The following ACTR8 variants were observed in gnomAD, a reference collection of about 807,000 sequenced individuals.
ACTR8 encodes actin-related protein 8.
ACTR8 carries 70 observed loss-of-function variants against 84.3 expected under a neutral mutation model. The ratio of observed to expected loss-of-function variants is 0.83; its 90% CI spans 0.68 to 1.01. The LOEUF (loss-of-function observed/expected upper bound fraction) is 1.01. ACTR8 is among the 50% of genes least tolerant of loss of function. The pLI, the probability that ACTR8 is intolerant of heterozygous loss-of-function variation, is 0.00. For synonymous variants in ACTR8, 268 were observed against 275.2 expected (o/e 0.97, Z 0.26); for missense variants, 672 against 775.4 (o/e 0.87, Z 1.58).
intron 7 of ACTR8, 148 bp downstream of exon 7, chr3:53,875,800 T>C: frequency 1.7e-6 from 2 of 1,194,860 alleles, no homozygotes; most frequent in Non-Finnish European, 2.3e-6. Flanking sequence ...TGCTAGAATA[T>C]GCACTTCCAT....
intron 5 of ACTR8, 48 bp downstream of exon 5, chr3:53,877,166 G>A (rs1699988354): frequency 2.2e-5 from 34 of 1,516,452 alleles, no homozygotes; most frequent in Non-Finnish European, 3.0e-5. Context: ...TACTTTCATT[G>A]ACCAAGAATC....
rs768876644 is a variant in ACTR8, at chr3:53,867,987, T to G, written c.*732A>C. The G allele has an allele frequency of 6.6e-6, 1 of 152,212 alleles. No individual in the cohort carries two copies. The highest frequency in any genetic ancestry group is 1.5e-5 in the Non-Finnish European group (1 of 68,046). The allele number at this position is 152,212 out of a possible 1,614,324, so 9.4% of individuals were successfully genotyped here. A position where few individuals can be genotyped will look rare whatever the true frequency, so the allele number is the denominator to read the frequency against. ...TAAATTATACCCAAATCATTTCTAT[T>G]TGGCTTTAGGAAAAAAACAAGATTT... On this transcript the variant is annotated 3_prime_UTR_variant, in exon 13 of 13. Coordinates refer to ENST00000335754, the MANE Select transcript of ACTR8 (RefSeq NM_022899.5).
downstream of ACTR8, among the ~76,000 whole-genome samples, chr3:53,863,020 A>G (rs1699622635): frequency 6.6e-6 from 1 of 151,810 alleles, no homozygotes; most frequent in Admixed American, 6.5e-5. Context: ...AGATGATGAC[A>G]AGAATAAAGA....
At chr3:53,864,654 T>C, downstream of ACTR8, 4 of 973,432 alleles carry the variant, frequency 4.1e-6, no homozygotes, top group Non-Finnish European at 6.2e-6. Flanking sequence ...GCTGACATTC[T>C]CTAGCAAGGG....
downstream of ACTR8, chr3:53,865,128 C>CGTGGTG (rs763267859): frequency 6.2e-7 from 1 of 1,614,036 alleles, no homozygotes; most frequent in African/African-American, 1.3e-5. Flanking sequence ...TGCACAAATA[C>CGTGGTG]GTGGTGGTCT....
intron 3 of ACTR8, 146 bp from the exon 4 acceptor site, chr3:53,877,897 G>T: frequency 1.5e-6 from 1 of 647,174 alleles, no homozygotes; most frequent in Non-Finnish European, 2.7e-6. Flanking sequence ...GGCTGCAAAA[G>T]GATTCTCTTG....
downstream of ACTR8, among the ~76,000 whole-genome samples, chr3:53,863,026 A>G (rs923499513): frequency 3.3e-5 from 5 of 152,202 alleles, no homozygotes; most frequent in East Asian, 1.9e-4. Context: ...TGACAAGAAT[A>G]AAGACCTTTC....
chr3:53,862,899 TAC>T (rs1159999135), downstream of ACTR8, among the ~76,000 whole-genome samples: 5 of 152,162 alleles, frequency 3.3e-5, no homozygotes, highest in Non-Finnish European at 5.9e-5. Context: ...TCTGTAAAGT[TAC>T]ACTGAGGCGC....
chr3:53,881,216 G>A (rs1395137138), intron 1 of ACTR8, among the ~76,000 whole-genome samples: 1 of 152,212 alleles, frequency 6.6e-6, no homozygotes, highest in African/African-American at 2.4e-5. Flanking sequence ...CTACCGGTAA[G>A]GAAGCTGGAT....
Position 53,877,203 on chromosome 3 carries a change from T to C in ACTR8, c.684+11A>G. 1.3e-6 allele frequency: 2 copies of C among 1,586,052 alleles called. No homozygotes were observed. The highest frequency in any genetic ancestry group is 1.7e-6 in the Non-Finnish European group (2 of 1,168,032). On this transcript the variant is annotated intron_variant, in intron 5 of 12. Transcript: ENST00000335754. The stretch of plus-strand genomic sequence containing the variant: ...TAAAAACAATCCAAATAACTGAGGA[T>C]TTTAGCTCACCTTTAAATCTTTCAG...
the ACTR8 span, chr3:53,860,287 T>C: frequency 7.0e-7 from 1 of 1,422,040 alleles, no homozygotes; most frequent in Non-Finnish European, 9.8e-7. Context: ...TGAATTTTTT[T>C]TTAAAGAAGA....
chr3:53,881,946 G>C, intron 1 of ACTR8, 33 bp downstream of exon 1: 1 of 1,554,282 alleles, frequency 6.4e-7, no homozygotes, highest in Non-Finnish European at 8.7e-7. Context: ...ACCCAAGCAA[G>C]GGCAAAGAGT....
chr3:53,878,331 G>T, intron 3 of ACTR8, 26 bp downstream of exon 3: 2 of 1,466,496 alleles, frequency 1.4e-6, no homozygotes, highest in Non-Finnish European at 1.9e-6. Context: ...GGTGATAAAA[G>T]AATAAATCTG....
chr3:53,870,407 CTT>C lies in ACTR8; in HGVS notation c.1568-264_1568-263del. 2.4e-6 allele frequency: 1 copy of C among 415,424 alleles called. No homozygotes were observed. The highest frequency in any genetic ancestry group is 4.4e-6 in the Non-Finnish European group (1 of 229,662). The allele number at this position is 415,424 out of a possible 1,614,324, so 25.7% of individuals were successfully genotyped here. On this transcript the variant is annotated intron_variant, in intron 11 of 12. Coordinates refer to ENST00000335754, the MANE Select transcript of ACTR8 (RefSeq NM_022899.5). This position sits in a 1 kb window ranked among gnomAD's most constrained non-coding sequence, Gnocchi z 4.1. ...GTGGCTCACGCCTGTAATCCCAGCA[CTT>C]TGGGAGGCCAAGGCAGGCAGATCAC... is the stretch of plus-strand genomic sequence containing the variant.
rs2107076824 is a variant in ACTR8, at chr3:53,880,058, T to C, written c.175A>G (p.Arg59Gly). 1 of 1,614,160 alleles carries C rather than the reference T, an allele frequency of 6.2e-7. No homozygotes were observed. The highest frequency in any genetic ancestry group is 1.3e-5 in the African/African-American group (1 of 75,060). The part of the protein sequence containing the change: ...IVIHPGSTTL[R>G]IGRATDTLPA... ...AGAGTGTCTGTGGCTCGACCAATCC[T>C]TAAAGTTGTTGAACCTGGATGTATG... The change falls in exon 2 of 13, where the codon AGG (arginine) becomes GGG (glycine). Residue 59 changes from arginine to glycine, a missense_variant. Physicochemically the swap from Arg to Gly is moderately radical, Grantham distance 125. Transcript: ENST00000335754.
the ACTR8 span, chr3:53,860,280 A>AT: frequency 2.1e-4 from 311 of 1,470,354 alleles, no homozygotes; most frequent in Middle Eastern, 6.3e-4. Context: ...AACATTTTGA[A>AT]TTTTTTTTTA....
intron 4 of ACTR8, 105 bp from the exon 5 acceptor site, chr3:53,877,492 G>A (rs1373425589): frequency 1.5e-6 from 2 of 1,362,430 alleles, no homozygotes; most frequent in Admixed American, 2.5e-5. Flanking sequence ...TGTGAGAAAT[G>A]TTGAGAGTGA....
intron 4 of ACTR8, 111 bp downstream of exon 4, chr3:53,877,536 G>A: frequency 2.3e-6 from 3 of 1,321,132 alleles, no homozygotes; most frequent in East Asian, 4.9e-5. Flanking sequence ...GGTACTCAAA[G>A]CAGGGTTATA....
chr3:53,877,503 A>T, intron 4 of ACTR8, 116 bp from the exon 5 acceptor site: 1 of 1,328,824 alleles, frequency 7.5e-7, no homozygotes, highest in Non-Finnish European at 1.0e-6. Flanking sequence ...TTGAGAGTGA[A>T]GTAGGAGTCG....
Sources: gnomAD v4.1 joint callset for allele counts (sites outside exome capture counted in the v4.1 genomes callset) on GRCh38, gnomAD v4.1.1 for gene constraint, Gnocchi (gnomAD v3.1) non-coding constraint, MANE v1.5 for transcripts, NCBI Gene and HGNC (gene_info 2026-07-23, HGNC 2026-07-21) for gene names.